The following SETDB2 variants were observed in gnomAD, a reference collection of about 807,000 sequenced individuals.
The protein encoded by SETDB2 is SET domain bifurcated histone lysine methyltransferase 2, also known as histone-lysine N-methyltransferase SETDB2.
In SETDB2, 56 loss-of-function variants were observed where a neutral mutation model predicts 82.5. The observed-to-expected ratio is 0.68, with a 90% confidence interval of 0.55 to 0.85. The LOEUF is 0.85. SETDB2 is among the 40% of genes least tolerant of loss of function. The pLI, the probability that SETDB2 is intolerant of heterozygous loss-of-function variation, is 0.00. For synonymous variants in SETDB2, 272 were observed against 284.9 expected (o/e 0.95, Z 0.46); for missense variants, 677 against 816.4 (o/e 0.83, Z 2.08).
intron 4 of SETDB2, among the ~76,000 whole-genome samples, chr13:49,466,094 C>A (rs1000923292): frequency 1.3e-5 from 2 of 152,136 alleles, no homozygotes; most frequent in African/African-American, 4.8e-5. Context: ...GTAACAGTCA[C>A]AAGGGTCTCT....
chr13:49,479,679 G>A (rs771695362), intron 6 of SETDB2, among the ~76,000 whole-genome samples: 4 of 152,162 alleles, frequency 2.6e-5, no homozygotes, highest in Non-Finnish European at 5.9e-5. Context: ...TATCAAGTTA[G>A]TTAGTCATCT....
chr13:49,474,398 C>G (rs1015966357), intron 5 of SETDB2, among the ~76,000 whole-genome samples: 2 of 152,218 alleles, frequency 1.3e-5, no homozygotes, highest in Non-Finnish European at 2.9e-5. Context: ...GCTGAAGAAA[C>G]TGACACTATG....
At chr13:49,457,954 G>A (rs1470419520) in intron 2 of SETDB2, among the ~76,000 whole-genome samples, 5 of 152,146 alleles carry the variant, frequency 3.3e-5, no homozygotes, top group African/African-American at 1.2e-4. Context: ...AAGAGGTATT[G>A]ACTCATATCT....
intron 5 of SETDB2, among the ~76,000 whole-genome samples, chr13:49,475,907 A>T (rs1313405998): frequency 6.6e-6 from 1 of 152,120 alleles, no homozygotes; most frequent in Non-Finnish European, 1.5e-5. Context: ...TTAAGTTGGT[A>T]CTATTGTTGA....
At chr13:49,477,944 G>A (rs1404223761) in intron 6 of SETDB2, among the ~76,000 whole-genome samples, 3 of 152,166 alleles carry the variant, frequency 2.0e-5, no homozygotes, top group African/African-American at 7.2e-5. Flanking sequence ...TTAAGACTTT[G>A]AAAAACATTT....
chr13:49,477,610 T>C (rs963146300), intron 6 of SETDB2, among the ~76,000 whole-genome samples: 3 of 152,190 alleles, frequency 2.0e-5, no homozygotes, highest in African/African-American at 7.2e-5. Context: ...TCAATGGCAT[T>C]ACAACAAATG....
Position 49,460,224 on chromosome 13 carries a change from C to A in SETDB2, c.134C>A (p.Thr45Asn). ...CAAAAGATCAAAGATGGGTCTGCCA[C>A]CAATAAAGGTATGAAGCAATAAAAA... ...LKQKIKDGSA[T>N]NKEYIQAMIL... Residue 45 changes from threonine to asparagine, a missense_variant, in exon 3 of 14, where the codon ACC becomes AAC. Coordinates refer to ENST00000611815, the MANE Select transcript of SETDB2 (RefSeq NM_001160308.3). The A allele has an allele frequency of 6.2e-7, 1 of 1,612,172 alleles. No homozygotes were observed. The highest frequency in any genetic ancestry group is 8.5e-7 in the Non-Finnish European group (1 of 1,179,294).
intron 2 of SETDB2, among the ~76,000 whole-genome samples, chr13:49,455,036 C>T (rs1957857043): frequency 2.0e-5 from 3 of 152,050 alleles, no homozygotes; most frequent in Non-Finnish European, 4.4e-5. Flanking sequence ...ATAAATCCAA[C>T]ATGTTGAAAA....
At position 49,451,764 on chromosome 13, in the gene SETDB2, AATG is replaced by A. The variant is rs1957789978; in HGVS notation, c.-126_-124del. ...AAGGATACCAGGTTTAGAATGGTAT[AATG>A]ATGTATTTTGTCTGAGGACTGCAAA... is the stretch of plus-strand genomic sequence containing the variant. On this transcript the variant is annotated 5_prime_UTR_variant, in exon 2 of 14. It removes an upstream start codon present in the reference 5' UTR. Transcript: ENST00000611815. The A allele has an allele frequency of 3.4e-6, 2 of 582,668 alleles. No individual in the cohort carries two copies. The highest frequency in any genetic ancestry group is 7.0e-5 in the Admixed American group (2 of 28,566). 36.1% of individuals were successfully genotyped at this position (582,668 alleles called of 1,614,324 possible).
At chr13:49,473,769 G>C (rs1037177224) in intron 5 of SETDB2, among the ~76,000 whole-genome samples, 1 of 151,980 alleles carries the variant, frequency 6.6e-6, no homozygotes, top group South Asian at 2.1e-4. Flanking sequence ...AGAACCTAAG[G>C]AATGTATTAC....
At chr13:49,451,104 AAATT>A (rs1348322300) in intron 1 of SETDB2, among the ~76,000 whole-genome samples, 3 of 149,386 alleles carry the variant, frequency 2.0e-5, no homozygotes, top group Non-Finnish European at 2.9e-5. Flanking sequence ...AGATTATAAA[AAATT>A]AAATATACTA....
chr13:49,466,036 C>T (rs954070111), intron 4 of SETDB2, among the ~76,000 whole-genome samples: 1 of 152,194 alleles, frequency 6.6e-6, no homozygotes, highest in African/African-American at 2.4e-5. Flanking sequence ...TGATTGGCTA[C>T]TGTTGATTAC....
intron 1 of SETDB2, among the ~76,000 whole-genome samples, chr13:49,449,548 G>A (rs754682872): frequency 6.6e-6 from 1 of 152,054 alleles, no homozygotes; most frequent in Non-Finnish European, 1.5e-5. Flanking sequence ...ATTGAGGTTA[G>A]CCCCAAGTTT....
chr13:49,446,707 T>C (rs1258635250), intron 1 of SETDB2, among the ~76,000 whole-genome samples: 2 of 152,200 alleles, frequency 1.3e-5, no homozygotes, highest in African/African-American at 2.4e-5. Flanking sequence ...AACATTTCTT[T>C]GTCTCTTTTA....
Position 49,467,865 on chromosome 13 carries a change from T to C in SETDB2, c.210T>C (p.Asp70=), listed in dbSNP as rs373994331. The C allele has an allele frequency of 3.7e-6, 6 of 1,605,660 alleles. No homozygotes were observed. Among genetic ancestry groups the C allele is most frequent in the Non-Finnish European group, 5.1e-6 (6 of 1,177,068 alleles). ...TIINSSTSIK[D]PMPVTQKEQE... is the part of the protein sequence containing the mutation. ...TGCTCACATTATTTTTTTGTGTAGA[T>C]CCTATGCCTGTGACTCAGAAGGAAC... Residue 70 remains aspartate (D), a splice_region_variant and synonymous_variant, in exon 5 of 14, where the codon GAT becomes GAC. Transcript: ENST00000611815.
chr13:49,450,835 G>A (rs999781883), intron 1 of SETDB2, among the ~76,000 whole-genome samples: 2 of 151,420 alleles, frequency 1.3e-5, no homozygotes, highest in Non-Finnish European at 1.5e-5. Context: ...GTTATCCTAG[G>A]GAAATTGCCA....
intron 4 of SETDB2, among the ~76,000 whole-genome samples, chr13:49,467,364 C>T (rs1443875907): frequency 2.0e-5 from 3 of 150,358 alleles, no homozygotes; most frequent in African/African-American, 7.4e-5. Flanking sequence ...CACTGCACTC[C>T]ACCCTGGGCG....
At chr13:49,487,854 A>G (rs1958627425) in intron 11 of SETDB2, among the ~76,000 whole-genome samples, 1 of 152,224 alleles carries the variant, frequency 6.6e-6, no homozygotes, top group Non-Finnish European at 1.5e-5. Flanking sequence ...TGTCAGGGTT[A>G]GGCCTTTTAT....
intron 2 of SETDB2, among the ~76,000 whole-genome samples, chr13:49,457,420 T>C (rs1338061688): frequency 6.9e-6 from 1 of 145,972 alleles, no homozygotes; most frequent in African/African-American, 2.5e-5. Flanking sequence ...GTAGCATGTA[T>C]TGGCATTTCT....
Sources: allele counts gnomAD v4.1 joint callset (sites outside exome capture counted in the v4.1 genomes callset), GRCh38; gene constraint gnomAD v4.1.1; transcripts MANE v1.5; gene names NCBI Gene and HGNC (gene_info 2026-07-23, HGNC 2026-07-21).